GRAMD1C: variants seen among roughly 807,000 people sequenced by gnomAD.
GRAMD1C encodes GRAM domain containing 1C, also known as protein Aster-C.
In GRAMD1C, 89 loss-of-function variants were observed where a neutral mutation model predicts 97.8. The observed-to-expected ratio is 0.91, with a 90% CI of 0.77 to 1.09. The LOEUF is 1.09. Among genes scored for constraint, GRAMD1C ranks in the 50% least tolerant of loss-of-function variants. The pLI, the probability that GRAMD1C is intolerant of heterozygous loss-of-function variation, is 0.00. For missense variants in GRAMD1C, 740 were observed against 766.4 expected, an observed-to-expected ratio of 0.97 and a Z score of 0.41; for synonymous variants, 256 against 267.0, an observed-to-expected ratio of 0.96 and a Z score of 0.40.
chr3:113,897,637 A>G, intron 6 of GRAMD1C: 1 of 984,368 alleles, frequency 1.0e-6, no homozygotes, highest in Non-Finnish European at 1.2e-6. Context: ...CATAGTTGTC[A>G]TTAAATATTT....
rs2107371004 is a variant in GRAMD1C, at chr3:113,933,641, A to G, written c.1340A>G (p.Lys447Arg). 1 of 1,608,680 alleles carries G rather than the reference A, an allele frequency of 6.2e-7. No individual in the cohort carries two copies. The highest frequency in any genetic ancestry group is 8.5e-7 in the Non-Finnish European group (1 of 1,175,418). The change falls in exon 12 of 18, where the codon AAA becomes AGA. Residue 447 changes from lysine (K) to arginine (R), a missense_variant. Transcript: ENST00000358160. Reference protein sequence around the residue: ...RYCIIRSSKQKCRLRVSTDLK... With the variant: ...RYCIIRSSKQRCRLRVSTDLK... Reference sequence around the variant, plus strand: ...TGTATCATCCGATCTTCAAAACAGAAATGCAGGCTAAGGTGAGCTGCTGTA... The same window carrying G: ...TGTATCATCCGATCTTCAAAACAGAGATGCAGGCTAAGGTGAGCTGCTGTA...
At chr3:113,850,481 A>T in intron 2 of GRAMD1C, 1 of 1,506,304 alleles carries the variant, frequency 6.6e-7, no homozygotes, top group Non-Finnish European at 9.2e-7. Flanking sequence ...TCCGGGGCAG[A>T]TGAAGATAAT....
At chr3:113,892,470 TCAAAA>T (rs1935772306) in intron 6 of GRAMD1C, among the ~76,000 whole-genome samples, 1 of 152,080 alleles carries the variant, frequency 6.6e-6, no homozygotes, top group Admixed American at 6.6e-5. Context: ...AGACTCCATC[TCAAAA>T]CAAAACAAAA....
At chr3:113,887,085 GTT>G (rs531763397) in intron 6 of GRAMD1C, among the ~76,000 whole-genome samples, 1 of 71,456 alleles carries the variant, frequency 1.4e-5, no homozygotes, top group African/African-American at 4.5e-5. Flanking sequence ...TGGCCTTTTT[GTT>G]TTTTTTTTGT....
chr3:113,829,485 A>G (rs1559768242), intron 1 of GRAMD1C, among the ~76,000 whole-genome samples: 1 of 152,012 alleles, frequency 6.6e-6, no homozygotes, highest in East Asian at 1.9e-4. Flanking sequence ...AACTGTGTCC[A>G]TTCTGTGTTT....
At chr3:113,898,526 C>T (rs957430435) in intron 6 of GRAMD1C, among the ~76,000 whole-genome samples, 2 of 151,992 alleles carry the variant, frequency 1.3e-5, no homozygotes, top group African/African-American at 4.8e-5. Flanking sequence ...CGTGTATGTT[C>T]CTTTAATATC....
intron 5 of GRAMD1C, among the ~76,000 whole-genome samples, chr3:113,879,689 C>CTT (rs1187587255): frequency 4.6e-4 from 61 of 131,938 alleles, no homozygotes; most frequent in Non-Finnish European, 6.4e-4. Context: ...TGACCTCTTC[C>CTT]TTTTTTTTTT....
intron 11 of GRAMD1C, among the ~76,000 whole-genome samples, chr3:113,931,683 C>T (rs1309379448): frequency 6.6e-6 from 1 of 152,098 alleles, no homozygotes; most frequent in Non-Finnish European, 1.5e-5. Context: ...AATATTAGCA[C>T]TTTGAGAGGC....
In GRAMD1C at chr3:113,844,557, G is replaced by A. The variant is rs781684434; in HGVS notation, c.82G>A (p.Glu28Lys). The part of the protein sequence containing the change: ...LATDLQEDVE[E>K]NPSPTVEENN... ...CACCGACTTACAGGAAGATGTAGAG[G>A]AAAATCCTAGTCCAACTGTGGAAGA... The change falls in exon 2 of 18, where the codon GAA becomes AAA. Residue 28 changes from glutamate to lysine, a missense_variant. Transcript: ENST00000358160. The A allele has an allele frequency of 6.2e-7, 1 of 1,605,350 alleles. No individual in the cohort carries two copies. The highest frequency in any genetic ancestry group is 8.5e-7 in the Non-Finnish European group (1 of 1,173,346).
chr3:113,870,168 C>T (rs1336856859), intron 3 of GRAMD1C, among the ~76,000 whole-genome samples: 1 of 151,550 alleles, frequency 6.6e-6, no homozygotes, highest in Non-Finnish European at 1.5e-5. Context: ...TCCAGACCAA[C>T]CTGGTCAACA....
intron 2 of GRAMD1C, among the ~76,000 whole-genome samples, chr3:113,859,250 A>C (rs1239084341): frequency 6.6e-6 from 1 of 152,062 alleles, no homozygotes; most frequent in Non-Finnish European, 1.5e-5. Flanking sequence ...GTGTCCCACA[A>C]ATTTTGATAT....
intron 10 of GRAMD1C, among the ~76,000 whole-genome samples, chr3:113,920,624 C>T (rs889109386): frequency 6.6e-5 from 10 of 152,106 alleles, no homozygotes; most frequent in Non-Finnish European, 1.5e-5. Context: ...TCACTGCAAC[C>T]TCCGCCTCCT....
At chr3:113,894,876 C>T (rs913799903) in intron 6 of GRAMD1C, among the ~76,000 whole-genome samples, 1 of 152,124 alleles carries the variant, frequency 6.6e-6, no homozygotes, top group Non-Finnish European at 1.5e-5. Flanking sequence ...AATTCTGATA[C>T]ATGTTACTCT....
intron 6 of GRAMD1C, among the ~76,000 whole-genome samples, chr3:113,900,432 T>TTATTATTATTATTAA (rs1936123031): frequency 6.7e-6 from 1 of 148,524 alleles, no homozygotes; most frequent in Admixed American, 6.7e-5. Context: ...ATTATTATTA[T>TTATTATTATTATTAA]TATTTTGAGA....
At chr3:113,876,038 A>G (rs2107384884) in intron 4 of GRAMD1C, 127 bp from the exon 5 acceptor site, 1 of 601,872 alleles carries the variant, frequency 1.7e-6, no homozygotes, top group East Asian at 2.8e-5. Flanking sequence ...AACTCCTTCA[A>G]GTCGAAAAAC....
rs1049545289 is a variant in GRAMD1C at position 113,947,153 on chromosome 3, T to C, written c.*1675T>C. ...TGAGCCTGTTACGTAAATTGAATAT[T>C]AATAAAATTGAAAATTTCTGAGTTG... On this transcript the variant is annotated 3_prime_UTR_variant, in exon 18 of 18. Transcript: ENST00000358160. 1 of 152,222 alleles carries C rather than the reference T, an allele frequency of 6.6e-6. No homozygotes were observed. The highest frequency in any genetic ancestry group is 2.4e-5 in the African/African-American group (1 of 41,458). The allele number at this position is 152,222 out of a possible 1,614,324, so 9.4% of individuals were successfully genotyped here.
rs1935439567 is a variant in GRAMD1C, at chr3:113,885,480, G to A, written c.540+2648G>A. On this transcript the variant is annotated intron_variant, in intron 6 of 17. Coordinates refer to ENST00000358160, the MANE Select transcript of GRAMD1C (RefSeq NM_017577.5). ...GGAATTGGCTAGCCCAGGTGAGGAG[G>A]AAGATCCTGGTGCTGGATCTGGATG... The A allele has an allele frequency of 6.2e-6, 10 of 1,604,010 alleles. No individual in the cohort carries two copies. In the South Asian group the frequency reaches 9.9e-5, roughly 16 times the overall value.
At chr3:113,885,206 G>C in intron 6 of GRAMD1C, 1 of 760,346 alleles carries the variant, frequency 1.3e-6, no homozygotes. Flanking sequence ...TGGGGCCCCC[G>C]TTCCCCCTCC....
intron 17 of GRAMD1C, among the ~76,000 whole-genome samples, chr3:113,941,195 A>G (rs1451922175): frequency 1.3e-5 from 2 of 152,128 alleles, no homozygotes; most frequent in East Asian, 1.9e-4. Context: ...TTTTCATTCT[A>G]CTTTTTCTCT....
Sources: allele counts gnomAD v4.1 joint callset (sites outside exome capture counted in the v4.1 genomes callset), GRCh38; gene constraint gnomAD v4.1.1; transcripts MANE v1.5; gene names NCBI Gene and HGNC (gene_info 2026-07-23, HGNC 2026-07-21).